The following LNPEP variants were observed in gnomAD, a reference collection of about 807,000 sequenced individuals.
The protein encoded by LNPEP is leucyl and cystinyl aminopeptidase.
Under a neutral mutation model 120.6 loss-of-function variants are expected in LNPEP, and 64 were observed. The ratio of observed to expected loss-of-function variants is 0.53; its 90% CI spans 0.43 to 0.65. LNPEP has a LOEUF of 0.65. Ranked by LOEUF, LNPEP falls within the 30% of genes least tolerant of loss-of-function variation. The pLI is 0.00. For missense variants in LNPEP, 1,057 were observed against 1,200.0 expected, an observed-to-expected ratio of 0.88 and a Z score of 1.76; for synonymous variants, 435 against 425.4, an observed-to-expected ratio of 1.02 and a Z score of -0.28.
At chr5:97,025,722 G>A (rs986543100) in intron 15 of LNPEP, among the ~76,000 whole-genome samples, 1 of 151,936 alleles carries the variant, frequency 6.6e-6, no homozygotes, top group Admixed American at 6.6e-5. Flanking sequence ...AACCATATTA[G>A]GTTTATACCA....
intron 1 of LNPEP, among the ~76,000 whole-genome samples, chr5:96,958,988 G>A (rs1306975290): frequency 6.6e-6 from 1 of 151,984 alleles, no homozygotes; most frequent in African/African-American, 2.4e-5. Context: ...ACCATGCCCA[G>A]CTAATTTTTG....
At chr5:96,963,690 A>G (rs936814262) in intron 1 of LNPEP, among the ~76,000 whole-genome samples, 6 of 152,196 alleles carry the variant, frequency 3.9e-5, no homozygotes, top group African/African-American at 1.4e-4. Context: ...CAGTGGCGAT[A>G]GAAACTTCAC....
At chr5:96,963,069 TTA>T (rs1259257479) in intron 1 of LNPEP, among the ~76,000 whole-genome samples, 3 of 152,194 alleles carry the variant, frequency 2.0e-5, no homozygotes, top group African/African-American at 7.2e-5. Context: ...CATTCTCTCC[TTA>T]TGTTTCTGAG....
At chr5:96,996,148 G>C (rs1357663338) in intron 6 of LNPEP, 1 of 310,730 alleles carries the variant, frequency 3.2e-6, no homozygotes, top group Non-Finnish European at 5.7e-6. Flanking sequence ...AACCTTTCTT[G>C]CTTGTTTCCC....
intron 17 of LNPEP, 89 bp downstream of exon 17, chr5:97,027,903 T>G: frequency 1.3e-6 from 1 of 769,222 alleles, no homozygotes; most frequent in Non-Finnish European, 2.3e-6. Context: ...TGGTGGATTT[T>G]CATGCTAATT....
At chr5:96,954,899 C>T (rs1370754745) in intron 1 of LNPEP, among the ~76,000 whole-genome samples, 8 of 147,284 alleles carry the variant, frequency 5.4e-5, no homozygotes, top group Admixed American at 1.4e-4. Context: ...TCTCCTGCCT[C>T]GGCCTCCGGA....
intron 1 of LNPEP, among the ~76,000 whole-genome samples, chr5:96,964,188 C>G (rs1395992351): frequency 1.3e-5 from 2 of 151,600 alleles, no homozygotes; most frequent in East Asian, 3.9e-4. Flanking sequence ...CTTTTAATAG[C>G]AGATTGTATC....
chr5:96,995,065 A>C (rs1028484415), intron 6 of LNPEP, among the ~76,000 whole-genome samples: 3 of 152,126 alleles, frequency 2.0e-5, no homozygotes, highest in Non-Finnish European at 4.4e-5. Flanking sequence ...CCGAGTTTGC[A>C]CCAGTGCACT....
rs1232791770 is a variant in LNPEP at position 96,979,482 on chromosome 5, G to C, written c.364G>C (p.Val122Leu). 1.9e-6 allele frequency: 3 copies of C among 1,613,950 alleles called. No homozygotes were observed. ...CTGTGCTTTTGTCATCGTGGTTGCT[G>C]TTTCTGTAATCATGGTGATTTACTT... ...VVCAFVIVVA[V>L]SVIMVIYLLP... Residue 122 changes from valine (V) to leucine (L), a missense_variant, in exon 2 of 18, where the codon GTT becomes CTT. Coordinates refer to ENST00000231368, the MANE Select transcript of LNPEP (RefSeq NM_005575.3).
In LNPEP at chr5:97,001,196, A is replaced by C. The variant is rs570665722; in HGVS notation, c.1654-2219A>C. On this transcript the variant is annotated intron_variant, in intron 8 of 17. Coordinates refer to ENST00000231368, the MANE Select transcript of LNPEP (RefSeq NM_005575.3). ...ATTGTAATAGATGGGTGGCGAGATA[A>C]TGGTAGCCTGGACAAGGGTGGAAGT... Among the ~76,000 whole-genome samples the C allele has an allele frequency of 7.3e-4, 111 of 152,206 alleles. 1 individual carries two copies. The highest frequency in any genetic ancestry group is 7.6e-4 in the Non-Finnish European group (52 of 68,030).
At chr5:96,956,394 T>G (rs1476387063) in intron 1 of LNPEP, among the ~76,000 whole-genome samples, 2 of 152,198 alleles carry the variant, frequency 1.3e-5, no homozygotes, top group Non-Finnish European at 2.9e-5. Flanking sequence ...GGCGCACGCC[T>G]GTAGTCGCAC....
At chr5:97,023,394 C>G (rs1791262074) in intron 14 of LNPEP, among the ~76,000 whole-genome samples, 1 of 152,110 alleles carries the variant, frequency 6.6e-6, no homozygotes, top group South Asian at 2.1e-4. Context: ...GCTGGGATTA[C>G]AGGCATCCGC....
chr5:96,965,920 G>A (rs1304221452), intron 1 of LNPEP, among the ~76,000 whole-genome samples: 1 of 151,844 alleles, frequency 6.6e-6, no homozygotes, highest in African/African-American at 2.4e-5. Context: ...TATTTATTTG[G>A]TCCTGTCCTT....
intron 1 of LNPEP, among the ~76,000 whole-genome samples, chr5:96,952,792 G>A (rs1307561993): frequency 4.6e-5 from 6 of 130,584 alleles, no homozygotes; most frequent in Non-Finnish European, 7.1e-5. Context: ...GCCCCTCAAC[G>A]AAAACATAAT....
In LNPEP at chr5:97,022,172, G is replaced by T. The variant is rs931745958; in HGVS notation, c.2377-128G>T. The T allele has an allele frequency of 1.0e-4, 63 of 610,018 alleles. 2 individuals are homozygous for T. The South Asian group carries it at 1.2e-3, about 12-fold the overall frequency. 37.8% of individuals were successfully genotyped at this position (610,018 alleles called of 1,614,324 possible). On this transcript the variant is annotated intron_variant, in intron 13 of 17. Transcript: ENST00000231368. ...TCAAACTCCTGACCTCAGGTGATCTGCCCGCCCCAGCTTCCCAACGTGCTG... is the reference window on the plus strand; with the variant it reads ...TCAAACTCCTGACCTCAGGTGATCTTCCCGCCCCAGCTTCCCAACGTGCTG...
At chr5:96,948,063 A>G (rs1448519810) in intron 1 of LNPEP, among the ~76,000 whole-genome samples, 1 of 152,006 alleles carries the variant, frequency 6.6e-6, no homozygotes, top group Non-Finnish European at 1.5e-5. Flanking sequence ...TTTATTGGGG[A>G]AGGGGCAGTG....
intron 1 of LNPEP, chr5:96,943,134 C>T: frequency 2.1e-6 from 1 of 487,344 alleles, no homozygotes; most frequent in Non-Finnish European, 3.1e-6. Flanking sequence ...AAGCAGATTA[C>T]TTCCATCATT....
intron 7 of LNPEP, among the ~76,000 whole-genome samples, chr5:96,997,071 T>C (rs1464169969): frequency 6.6e-6 from 1 of 152,064 alleles, no homozygotes; most frequent in East Asian, 1.9e-4. Context: ...AGTATAATAG[T>C]GGTGTCACTA....
At position 97,036,982 on chromosome 5, in the gene LNPEP, A is replaced by G. The variant is rs913703330; in HGVS notation, c.*8449A>G. On this transcript the variant is annotated 3_prime_UTR_variant, in exon 18 of 18. Transcript: ENST00000231368. Reference sequence around the variant, plus strand: ...GTAAAGGTCATGGCTTAGCTGAAGGAAATGCTCCAGAAATTGGACTGTGTA... The same window carrying G: ...GTAAAGGTCATGGCTTAGCTGAAGGGAATGCTCCAGAAATTGGACTGTGTA... 6.6e-6 allele frequency: 1 copy of G among 152,184 alleles called. No individual in the cohort carries two copies. The highest frequency in any genetic ancestry group is 1.5e-5 in the Non-Finnish European group (1 of 68,026). The allele number at this position is 152,184 out of a possible 1,614,324, so 9.4% of individuals were successfully genotyped here.
Sources: allele counts gnomAD v4.1 joint callset (sites outside exome capture counted in the v4.1 genomes callset), GRCh38; gene constraint gnomAD v4.1.1; transcripts MANE v1.5; gene names NCBI Gene and HGNC (gene_info 2026-07-23, HGNC 2026-07-21).